CLVS1: variants seen among roughly 807,000 people sequenced by gnomAD.
CLVS1 encodes the protein clavesin-1.
Under a neutral mutation model 33.1 loss-of-function variants are expected in CLVS1, and 10 were observed. That is an observed-to-expected ratio of 0.30 (90% CI 0.19 to 0.51). The LOEUF (loss-of-function observed/expected upper bound fraction) is 0.51, where lower values mean the gene tolerates loss of function less well. CLVS1 is among the 20% of genes least tolerant of loss of function. CLVS1 has a pLI of 0.97. For synonymous variants in CLVS1, 163 were observed against 166.1 expected, an observed-to-expected ratio of 0.98 and a Z score of 0.14; for missense variants, 343 against 433.4, an observed-to-expected ratio of 0.79 and a Z score of 1.85.
intron 2 of CLVS1, among the ~76,000 whole-genome samples, chr8:61,255,881 T>C (rs1281587836): frequency 6.6e-6 from 1 of 152,236 alleles, no homozygotes; most frequent in Non-Finnish European, 1.5e-5. Context: ...GTAATTCAAC[T>C]TTCCTTCACA....
At chr8:61,356,274 T>C (rs1812702778) in intron 2 of CLVS1, among the ~76,000 whole-genome samples, 1 of 152,232 alleles carries the variant, frequency 6.6e-6, no homozygotes, top group Non-Finnish European at 1.5e-5. Context: ...TGTTTTTTTC[T>C]TGTAAATTTG....
At chr8:61,257,910 C>A (rs917261112) in intron 2 of CLVS1, among the ~76,000 whole-genome samples, 5 of 151,994 alleles carry the variant, frequency 3.3e-5, no homozygotes, top group African/African-American at 1.2e-4. Flanking sequence ...TGCTAGTTTA[C>A]AAAATATGTA....
At chr8:61,455,587 T>C (rs1305160595) in intron 4 of CLVS1, among the ~76,000 whole-genome samples, 1 of 152,222 alleles carries the variant, frequency 6.6e-6, no homozygotes, top group Non-Finnish European at 1.5e-5. Context: ...TATATCCATT[T>C]ATCTGTTAAT....
At chr8:61,481,114 G>T (rs558186032) in intron 5 of CLVS1, among the ~76,000 whole-genome samples, 1 of 152,254 alleles carries the variant, frequency 6.6e-6, no homozygotes, top group African/African-American at 2.4e-5. Context: ...TTGTTGACCT[G>T]TGAGGGCTGA....
At chr8:61,065,047 C>T (rs544555875) in intron 1 of CLVS1, among the ~76,000 whole-genome samples, 14 of 152,258 alleles carry the variant, frequency 9.2e-5, no homozygotes, top group Admixed American at 2.6e-4. Flanking sequence ...TGCCATCAGG[C>T]TGATCAGATT....
At chr8:61,077,482 A>ATTG (rs1563393972) in intron 1 of CLVS1, among the ~76,000 whole-genome samples, 1 of 117,662 alleles carries the variant, frequency 8.5e-6, no homozygotes, top group African/African-American at 3.4e-5. Flanking sequence ...TATTATTATT[A>ATTG]TTATTATTAT....
the CLVS1 span, among the ~76,000 whole-genome samples, chr8:60,991,956 C>T: frequency 8.0e-4 from 121 of 152,114 alleles, no homozygotes; most frequent in Middle Eastern, 3.4e-3. Flanking sequence ...CCATGTTGGC[C>T]GGGCTGGTCT....
chr8:61,108,899 G>A (rs1250371134), intron 1 of CLVS1, among the ~76,000 whole-genome samples: 9 of 152,228 alleles, frequency 5.9e-5, no homozygotes, highest in Admixed American at 5.9e-4. Context: ...TTGGTTCTAA[G>A]TCACATTGCC....
At chr8:61,089,588 A>G (rs1476002001) in intron 1 of CLVS1, among the ~76,000 whole-genome samples, 2 of 152,180 alleles carry the variant, frequency 1.3e-5, no homozygotes, top group African/African-American at 4.8e-5. Context: ...CTCAGGAAAT[A>G]AGGTCCTTGG....
intron 2 of CLVS1, among the ~76,000 whole-genome samples, chr8:61,203,653 T>G (rs2978515): frequency 0.22 from 34,198 of 152,150 alleles, 4,036 homozygotes; most frequent in Admixed American, 0.28. Context: ...AGAGGAACCT[T>G]TATTTTTTAC....
intron 2 of CLVS1, among the ~76,000 whole-genome samples, chr8:61,238,403 T>C (rs1461279771): frequency 6.6e-6 from 1 of 152,026 alleles, no homozygotes; most frequent in Admixed American, 6.6e-5. Context: ...CCTCCTGCCT[T>C]CCTTCCCTCC....
At chr8:61,162,271 A>G (rs1806768709) in intron 2 of CLVS1, among the ~76,000 whole-genome samples, 1 of 152,166 alleles carries the variant, frequency 6.6e-6, no homozygotes, top group Non-Finnish European at 1.5e-5. Context: ...TATTTGCAGG[A>G]CTCCTGCAGA....
the CLVS1 span, among the ~76,000 whole-genome samples, chr8:61,019,089 T>A: frequency 2.0e-5 from 3 of 152,246 alleles, no homozygotes; most frequent in Non-Finnish European, 4.4e-5. Context: ...ACTAGGCTCC[T>A]TCTAGCATTT....
At chr8:61,207,100 T>G (rs1469575146) in intron 2 of CLVS1, among the ~76,000 whole-genome samples, 2 of 152,116 alleles carry the variant, frequency 1.3e-5, no homozygotes, top group African/African-American at 2.4e-5. Flanking sequence ...ATAGGGGAGA[T>G]ACAAAATGCC....
the CLVS1 span, among the ~76,000 whole-genome samples, chr8:61,045,635 G>A: frequency 7.6e-4 from 116 of 152,290 alleles, 1 homozygote; most frequent in East Asian, 0.019. Context: ...ATACCTAGAC[G>A]TAGAAAACAT....
At chr8:61,366,477 A>G (rs1813217797) in intron 2 of CLVS1, among the ~76,000 whole-genome samples, 1 of 152,206 alleles carries the variant, frequency 6.6e-6, no homozygotes, top group Admixed American at 6.5e-5. Context: ...GGTGCTCAGT[A>G]ATACATTGTT....
At chr8:61,158,512 T>G (rs550536026) in intron 2 of CLVS1, among the ~76,000 whole-genome samples, 2 of 152,204 alleles carry the variant, frequency 1.3e-5, no homozygotes, top group African/African-American at 4.8e-5. Context: ...TCATTGGTAG[T>G]GAAATTGGTA....
At chr8:61,122,603 C>G (rs1805895795) in intron 1 of CLVS1, among the ~76,000 whole-genome samples, 3 of 150,514 alleles carry the variant, frequency 2.0e-5, no homozygotes, top group Admixed American at 6.6e-5. Context: ...CACACACACA[C>G]ACACACACAA....
chr8:60,993,048 C>T, the CLVS1 span, among the ~76,000 whole-genome samples: 2 of 152,214 alleles, frequency 1.3e-5, no homozygotes, highest in Non-Finnish European at 2.9e-5. Context: ...CCTTATCAGC[C>T]TCCTGATGTG....
Sources: gnomAD v4.1 joint callset for allele counts (sites outside exome capture counted in the v4.1 genomes callset) on GRCh38, gnomAD v4.1.1 for gene constraint, MANE v1.5 for transcripts, NCBI Gene and HGNC (gene_info 2026-07-23, HGNC 2026-07-21) for gene names.